Variants in SPX observed in about 807,000 individuals in gnomAD.
The protein encoded by SPX is spexin.
Under a neutral mutation model 19.2 loss-of-function variants are expected in SPX, and 22 were observed. The observed-to-expected ratio is 1.15, with a 90% CI of 0.82 to 1.64. The LOEUF (loss-of-function observed/expected upper bound fraction) is 1.64, where lower values mean the gene tolerates loss of function less well. Ranked by LOEUF, SPX falls within the 40% of genes most tolerant of loss-of-function variation. The pLI, the probability that SPX is intolerant of heterozygous loss-of-function variation, is 0.00. For missense variants in SPX, 143 were observed against 137.7 expected, an observed-to-expected ratio of 1.04 and a Z score of -0.19; for synonymous variants, 50 against 53.3, an observed-to-expected ratio of 0.94 and a Z score of 0.27.
At position 21,532,005 on chromosome 12, in the gene SPX, C is replaced by CT. The variant is rs1388944435; in HGVS notation, c.*811dup. On this transcript the variant is annotated 3_prime_UTR_variant, in exon 6 of 6. Transcript: ENST00000256969. ...AACAGATTCAAGTACTCTGCTTACT[C>CT]TAATTGACTAGACTCTAGGTTTTAT... 1.3e-5 allele frequency: 2 copies of CT among 152,166 alleles called. No homozygotes were observed. Among genetic ancestry groups the CT allele is most frequent in the Admixed American group, 6.5e-5 (1 of 15,272 alleles). 9.4% of individuals were successfully genotyped at this position (152,166 alleles called of 1,614,324 possible).
chr12:21,527,686 C>T (rs1184553316), intron 3 of SPX, 41 bp from the exon 4 acceptor site: 25 of 1,547,200 alleles, frequency 1.6e-5, no homozygotes, highest in South Asian at 3.6e-5. Flanking sequence ...CGGGTTGTCC[C>T]GGGCCAGGCT....
intron 4 of SPX, among the ~76,000 whole-genome samples, chr12:21,528,724 G>A (rs946968165): frequency 2.0e-5 from 3 of 151,984 alleles, no homozygotes; most frequent in African/African-American, 7.3e-5. Context: ...CTTATATTTG[G>A]CCGCAAAGGT....
intron 4 of SPX, chr12:21,528,018 G>A: frequency 3.7e-6 from 2 of 539,986 alleles, no homozygotes; most frequent in Non-Finnish European, 6.6e-6. Context: ...CCGCGCCAAT[G>A]GTGGCAAGGG....
intron 4 of SPX, 195 bp downstream of exon 4, chr12:21,527,984 A>C: frequency 1.7e-6 from 1 of 580,402 alleles, no homozygotes; most frequent in South Asian, 2.2e-5. Context: ...CGAGCGCCGG[A>C]GCTGGGAGCT....
intron 5 of SPX, 89 bp downstream of exon 5, chr12:21,529,173 A>G: frequency 7.6e-7 from 1 of 1,311,710 alleles, no homozygotes; most frequent in Non-Finnish European, 1.1e-6. Flanking sequence ...CCCCTCCCCC[A>G]GAATTTCTTG....
intron 5 of SPX, among the ~76,000 whole-genome samples, chr12:21,529,521 G>A (rs917498407): frequency 6.6e-5 from 10 of 151,994 alleles, no homozygotes; most frequent in East Asian, 1.9e-4. Flanking sequence ...TACTGATCCC[G>A]CTCCTCTTGA....
At chr12:21,527,861 C>A in intron 4 of SPX, 72 bp downstream of exon 4, 1 of 1,476,224 alleles carries the variant, frequency 6.8e-7, no homozygotes, top group Non-Finnish European at 9.2e-7. Flanking sequence ...GGGCTTGCTC[C>A]GCGCTGGTGC....
chr12:21,529,203 T>G (rs2136822036), intron 5 of SPX, 119 bp downstream of exon 5: 2 of 909,116 alleles, frequency 2.2e-6, no homozygotes, highest in South Asian at 3.0e-5. Context: ...CCAGAAATTC[T>G]AATTCTGTAC....
rs1943822657 is a variant in SPX, at chr12:21,527,179, C to A, written c.132C>A (p.Tyr44Ter). 6.2e-7 allele frequency: 1 copy of A among 1,613,910 alleles called. No individual in the cohort carries two copies. Among genetic ancestry groups the A allele is most frequent in the Non-Finnish European group, 8.5e-7 (1 of 1,179,924 alleles). The change falls in exon 3 of 6, where the codon TAC becomes TAA. Residue 44 changes from tyrosine to a stop codon, truncating the protein, a stop_gained. Coordinates refer to ENST00000256969, the MANE Select transcript of SPX (RefSeq NM_030572.4). LOFTEE classifies it high-confidence loss of function. ...RRNWTPQAML[Y>*]LKGAQGRRFI... Reference sequence around the variant, plus strand: ...ACTGGACTCCTCAAGCTATGCTCTACCTGAAAGGGGCACGTAAGTTCCAAA... The same window carrying A: ...ACTGGACTCCTCAAGCTATGCTCTAACTGAAAGGGGCACGTAAGTTCCAAA...
At position 21,531,223 on chromosome 12, in the gene SPX, G is replaced by T. The variant is rs921373361; in HGVS notation, c.*28G>T. 2.0e-6 allele frequency: 3 copies of T among 1,496,934 alleles called. No homozygotes were observed. Among genetic ancestry groups the T allele is most frequent in the Non-Finnish European group, 2.7e-6 (3 of 1,095,556 alleles). The allele number at this position is 1,496,934 out of a possible 1,614,324, so 92.7% of individuals were successfully genotyped here. On this transcript the variant is annotated 3_prime_UTR_variant, in exon 6 of 6. Transcript: ENST00000256969. The stretch of plus-strand genomic sequence containing the variant: ...ATATACTGGATTATGTTTAATTATG[G>T]TTCTATTCTCTTTGAAAACATGAAC...
At position 21,527,717 on chromosome 12, in the gene SPX, G is replaced by A; in HGVS notation, c.146-10G>A. ...AGGCTGTCGCTGAGCCCCAGGTCTC[G>A]TTTTTGCAGAGGGTCGCCGCTTCAT... On this transcript the variant is annotated splice_polypyrimidine_tract_variant and intron_variant, in intron 3 of 5. Coordinates refer to ENST00000256969, the MANE Select transcript of SPX (RefSeq NM_030572.4). The A allele has an allele frequency of 7.0e-6, 11 of 1,561,112 alleles. No homozygotes were observed. The highest frequency in any genetic ancestry group is 9.5e-6 in the Non-Finnish European group (11 of 1,151,854).
Position 21,526,490 on chromosome 12 carries a change from C to T in SPX, c.6+12C>T. The T allele has an allele frequency of 5.0e-6, 8 of 1,590,372 alleles. No homozygotes were observed. Among genetic ancestry groups the T allele is most frequent in the Non-Finnish European group, 6.0e-6 (7 of 1,163,518 alleles). On this transcript the variant is annotated intron_variant, in intron 1 of 5. Transcript: ENST00000256969. ...CGCAGAACATGAAGGTAAGTAAAGG[C>T]TTTATTAACTTGAGACTTCTTAGCT...
At chr12:21,530,608 GTGATACC>G (rs1465617213) in intron 5 of SPX, among the ~76,000 whole-genome samples, 1 of 152,112 alleles carries the variant, frequency 6.6e-6, no homozygotes, top group Non-Finnish European at 1.5e-5. Flanking sequence ...CACCTCAGAA[GTGATACC>G]TCATGCTCTA....
chr12:21,531,269 A>G lies in SPX; in HGVS notation c.*74A>G. 9.0e-7 allele frequency: 1 copy of G among 1,110,234 alleles called. No individual in the cohort carries two copies. Among genetic ancestry groups the G allele is most frequent in the African/African-American group, 1.6e-5 (1 of 62,488 alleles). 68.8% of individuals were successfully genotyped at this position (1,110,234 alleles called of 1,614,324 possible). A position where few individuals can be genotyped will look rare whatever the true frequency, so the allele number is the denominator to read the frequency against. ...TGAACCATGTGAATAAAACCTTTGG[A>G]CCCTTTTATTCCATTTGTAATCTTA... On this transcript the variant is annotated 3_prime_UTR_variant, in exon 6 of 6. Coordinates refer to ENST00000256969, the MANE Select transcript of SPX (RefSeq NM_030572.4).
At chr12:21,528,496 T>C (rs1333484523) in intron 4 of SPX, among the ~76,000 whole-genome samples, 1 of 152,198 alleles carries the variant, frequency 6.6e-6, no homozygotes, top group African/African-American at 2.4e-5. Context: ...CAAACACTGT[T>C]GAACACATAG....
intron 4 of SPX, among the ~76,000 whole-genome samples, chr12:21,528,371 T>G (rs1943834804): frequency 6.6e-6 from 1 of 152,232 alleles, no homozygotes; most frequent in African/African-American, 2.4e-5. Flanking sequence ...CGGGGACTGT[T>G]CTTTTTCATG....
chr12:21,527,894 G>A (rs1943830203), intron 4 of SPX, 105 bp downstream of exon 4: 3 of 1,335,488 alleles, frequency 2.2e-6, no homozygotes, highest in African/African-American at 3.0e-5. Context: ...TCTCCTCACC[G>A]GAAAGACGCG....
At chr12:21,527,998 G>C in intron 4 of SPX, 1 of 553,270 alleles carries the variant, frequency 1.8e-6, no homozygotes, top group Non-Finnish European at 3.2e-6. Flanking sequence ...GGGAGCTCGC[G>C]CGTCCAGCCC....
chr12:21,532,603 A>T lies in SPX; in HGVS notation c.*1408A>T, dbSNP rs566596360. The T allele has an allele frequency of 2.6e-5, 4 of 152,198 alleles. No individual in the cohort carries two copies. In the East Asian group the frequency reaches 5.8e-4, roughly 22 times the overall value. The allele number at this position is 152,198 out of a possible 1,614,324, so 9.4% of individuals were successfully genotyped here. On this transcript the variant is annotated 3_prime_UTR_variant, in exon 6 of 6. Transcript: ENST00000256969. ...AGTGCTTACATCTGATTTATTGAAAATTTTTTCCAAAAGCATTGTCTTTTA... is the reference window on the plus strand; with the variant it reads ...AGTGCTTACATCTGATTTATTGAAATTTTTTTCCAAAAGCATTGTCTTTTA...
Sources: gnomAD v4.1 joint callset for allele counts (sites outside exome capture counted in the v4.1 genomes callset) on GRCh38, gnomAD v4.1.1 for gene constraint, MANE v1.5 for transcripts, NCBI Gene and HGNC (gene_info 2026-07-23, HGNC 2026-07-21) for gene names.